Variants in PBX1 observed in about 807,000 individuals in gnomAD.
The protein encoded by PBX1 is pre-B-cell leukemia transcription factor 1.
In PBX1, 6 loss-of-function variants were observed where a neutral mutation model predicts 53.4. That is an observed-to-expected ratio of 0.11 (90% CI 0.06 to 0.22). The LOEUF is 0.22. PBX1 is among the 10% of genes least tolerant of loss of function. PBX1 has a pLI of 1.00. For missense variants in PBX1, 251 were observed against 551.4 expected (o/e 0.46, Z 5.46); for synonymous variants, 204 against 212.3 (o/e 0.96, Z 0.34).
At chr1:164,596,759 G>A (rs1655791132) in intron 2 of PBX1, among the ~76,000 whole-genome samples, 1 of 151,886 alleles carries the variant, frequency 6.6e-6, no homozygotes, top group South Asian at 2.1e-4. Flanking sequence ...ACATCCTAGT[G>A]TATTAAGAAT....
At position 164,590,222 on chromosome 1, in the gene PBX1, A is replaced by G. The variant is rs1655272375; in HGVS notation, c.265+26911A>G. The G allele has an allele frequency of 7.7e-6, 3 of 387,448 alleles. No homozygotes were observed. The East Asian group carries it at 2.2e-4, about 28-fold the overall frequency. 24.0% of individuals were successfully genotyped at this position (387,448 alleles called of 1,614,324 possible). A position where few individuals can be genotyped will look rare whatever the true frequency, so the allele number is the denominator to read the frequency against. On this transcript the variant is annotated intron_variant, in intron 2 of 8. Coordinates refer to ENST00000420696, the MANE Select transcript of PBX1 (RefSeq NM_002585.4). ...GCGAGACCCTGTGTTGAAAAAAAAAAAAGCTGGGGGTCAGGGAGCAGATAG... is the reference window on the plus strand; with the variant it reads ...GCGAGACCCTGTGTTGAAAAAAAAAGAAGCTGGGGGTCAGGGAGCAGATAG...
In PBX1 at chr1:164,559,744, A is replaced by G. The variant is rs1652886145; in HGVS notation, c.-79A>G. The G allele has an allele frequency of 1.1e-5, 12 of 1,095,298 alleles. No homozygotes were observed. In the South Asian group the frequency reaches 2.0e-4, roughly 18 times the overall value. The allele number at this position is 1,095,298 out of a possible 1,614,324, so 67.8% of individuals were successfully genotyped here. ...AAGGATTTGAAGACAAGCTTGAAGGATAAAAAGCCTTGGTGCTTCCCAGGA... is the reference window on the plus strand; with the variant it reads ...AAGGATTTGAAGACAAGCTTGAAGGGTAAAAAGCCTTGGTGCTTCCCAGGA... On this transcript the variant is annotated 5_prime_UTR_variant, in exon 1 of 9. Coordinates refer to ENST00000420696, the MANE Select transcript of PBX1 (RefSeq NM_002585.4).
intron 2 of PBX1, among the ~76,000 whole-genome samples, chr1:164,724,657 G>GCAATA (rs755041112): frequency 1.4e-4 from 14 of 102,668 alleles, no homozygotes; most frequent in Non-Finnish European, 2.5e-4. Context: ...GATGCCCATT[G>GCAATA]CAATAGCTGC....
At chr1:164,631,356 C>CA (rs1658400564) in intron 2 of PBX1, among the ~76,000 whole-genome samples, 1 of 148,964 alleles carries the variant, frequency 6.7e-6, no homozygotes, top group South Asian at 2.1e-4. Flanking sequence ...GTAAGCAACA[C>CA]AGAGAAGTCA....
At chr1:164,605,628 C>T (rs530751910) in intron 2 of PBX1, among the ~76,000 whole-genome samples, 31 of 152,150 alleles carry the variant, frequency 2.0e-4, no homozygotes, top group African/African-American at 5.1e-4. Flanking sequence ...TTTGTGAAGC[C>T]CTCCTGTAAA....
chr1:164,723,934 T>G (rs1037135717), intron 2 of PBX1, among the ~76,000 whole-genome samples: 1 of 152,142 alleles, frequency 6.6e-6, no homozygotes, highest in African/African-American at 2.4e-5. Flanking sequence ...GTGGGGAGTG[T>G]TTACTGAACT....
At chr1:164,693,653 G>A (rs1358824876) in intron 2 of PBX1, among the ~76,000 whole-genome samples, 7 of 152,262 alleles carry the variant, frequency 4.6e-5, no homozygotes, top group African/African-American at 1.7e-4. Flanking sequence ...CTAGTGTGCT[G>A]TCATCTAGCA....
intron 2 of PBX1, among the ~76,000 whole-genome samples, chr1:164,785,359 G>A (rs1465451636): frequency 6.6e-6 from 1 of 152,228 alleles, no homozygotes; most frequent in Non-Finnish European, 1.5e-5. Context: ...GCTGCCCTGA[G>A]TTTCAAGACA....
rs1480363301 is a variant in PBX1, at chr1:164,847,718, T to C, written c.*1042T>C. ...ACCTACATTAATAACTGTAGCACTA[T>C]GCCTTTTGAGCCCGAGAGAGGGAAT... On this transcript the variant is annotated 3_prime_UTR_variant, in exon 9 of 9. Transcript: ENST00000420696. 61 of 1,055,822 alleles carry C rather than the reference T, an allele frequency of 5.8e-5. No homozygotes were observed. Among genetic ancestry groups the C allele is most frequent in the Non-Finnish European group, 6.9e-5 (60 of 873,406 alleles). 65.4% of individuals were successfully genotyped at this position (1,055,822 alleles called of 1,614,324 possible).
chr1:164,569,753 G>A (rs1653713327), intron 2 of PBX1, among the ~76,000 whole-genome samples: 1 of 151,816 alleles, frequency 6.6e-6, no homozygotes, highest in Non-Finnish European at 1.5e-5. Context: ...TAGAGACGAG[G>A]TTTCGCCCTG....
intron 4 of PBX1, among the ~76,000 whole-genome samples, chr1:164,805,069 CTTT>C (rs1669279922): frequency 6.6e-6 from 1 of 152,112 alleles, no homozygotes; most frequent in Non-Finnish European, 1.5e-5. Context: ...TATCATGAGT[CTTT>C]TATAAAAAAC....
chr1:164,654,132 G>A (rs750148613), intron 2 of PBX1, among the ~76,000 whole-genome samples: 5 of 152,096 alleles, frequency 3.3e-5, no homozygotes, highest in East Asian at 1.9e-4. Flanking sequence ...TTGGGGGTAG[G>A]GTGTCTAGCT....
chr1:164,636,327 C>T (rs2101891110), intron 2 of PBX1, among the ~76,000 whole-genome samples: 1 of 152,272 alleles, frequency 6.6e-6, no homozygotes, highest in South Asian at 2.1e-4. Context: ...TTCATTTCTA[C>T]ATGACCATCT....
At chr1:164,769,648 G>A (rs1667260412) in intron 2 of PBX1, among the ~76,000 whole-genome samples, 1 of 152,190 alleles carries the variant, frequency 6.6e-6, no homozygotes, top group Non-Finnish European at 1.5e-5. Context: ...CATGGCAAAT[G>A]TGGACCTTGA....
intron 8 of PBX1, among the ~76,000 whole-genome samples, chr1:164,825,768 T>C (rs1005941974): frequency 1.3e-5 from 2 of 152,198 alleles, no homozygotes; most frequent in African/African-American, 4.8e-5. Flanking sequence ...TAAAATTTCT[T>C]TCACTCCTCC....
intron 5 of PBX1, among the ~76,000 whole-genome samples, chr1:164,810,696 T>G (rs539135080): frequency 3.3e-5 from 5 of 152,306 alleles, no homozygotes; most frequent in African/African-American, 1.2e-4. Context: ...AACATAAATT[T>G]CAAAGTGAAA....
intron 2 of PBX1, among the ~76,000 whole-genome samples, chr1:164,696,447 C>G (rs1400551169): frequency 6.6e-6 from 1 of 152,150 alleles, no homozygotes; most frequent in Non-Finnish European, 1.5e-5. Context: ...GGTGTGGTCA[C>G]AGATGCTGGC....
Position 164,600,451 on chromosome 1 carries a change from G to GT in PBX1, c.265+37142dup, listed in dbSNP as rs1237219653. Reference sequence around the variant, plus strand: ...TTTAGTAGATATGGGGTTTCACAATGTTAGTCAGGCTGGTCTCGAACTCCT... The same window carrying GT: ...TTTAGTAGATATGGGGTTTCACAATGTTTAGTCAGGCTGGTCTCGAACTCCT... On this transcript the variant is annotated intron_variant, in intron 2 of 8. Transcript: ENST00000420696. Among the ~76,000 whole-genome samples the GT allele has an allele frequency of 3.3e-5, 5 of 152,008 alleles. No homozygotes were observed. The East Asian group carries it at 9.7e-4, about 29-fold the overall frequency.
rs558782324 is a variant in PBX1, at chr1:164,850,921, AC to A, written c.*4247del. 6 of 213,540 alleles carry A rather than the reference AC, an allele frequency of 2.8e-5. No homozygotes were observed. In the South Asian group the frequency reaches 9.3e-4, roughly 33 times the overall value. The allele number at this position is 213,540 out of a possible 1,614,324, so 13.2% of individuals were successfully genotyped here. On this transcript the variant is annotated 3_prime_UTR_variant, in exon 9 of 9. Transcript: ENST00000420696. ...ACTACATTCCATGAGGCCTCTTCCA[AC>A]CAAAGAGGCCTTTTCTTCCAGGAGA...
Sources: allele counts gnomAD v4.1 joint callset (sites outside exome capture counted in the v4.1 genomes callset), GRCh38; gene constraint gnomAD v4.1.1; transcripts MANE v1.5; gene names NCBI Gene and HGNC (gene_info 2026-07-23, HGNC 2026-07-21).